CRADD: variants seen among roughly 807,000 people sequenced by gnomAD.
The protein encoded by CRADD is death domain-containing protein CRADD.
CRADD carries 9 observed loss-of-function variants against 15.5 expected under a neutral mutation model. The observed-to-expected ratio is 0.58, with a 90% CI of 0.35 to 1.01. The LOEUF is 1.01. Among genes scored for constraint, CRADD ranks in the 50% least tolerant of loss-of-function variants. The probability of loss-of-function intolerance (pLI) is 0.02; values close to 1 mark genes in which losing one functional copy is unlikely to be tolerated. For missense variants in CRADD, 227 were observed against 250.3 expected, an observed-to-expected ratio of 0.91 and a Z score of 0.63; for synonymous variants, 118 against 107.6, an observed-to-expected ratio of 1.10 and a Z score of -0.60.
At chr12:93,893,012 T>C (rs1269762426) in intron 2 of CRADD, among the ~76,000 whole-genome samples, 1 of 152,218 alleles carries the variant, frequency 6.6e-6, no homozygotes, top group African/African-American at 2.4e-5. Flanking sequence ...CGCCTGGTGC[T>C]TGACAAGGTC....
At chr12:93,807,981 C>CAAAAAAAAAAAA (rs368104878) in intron 2 of CRADD, among the ~76,000 whole-genome samples, 3 of 67,740 alleles carry the variant, frequency 4.4e-5, no homozygotes, top group Admixed American at 3.7e-4. Flanking sequence ...AAGTGTTATG[C>CAAAAAAAAAAAA]AAAAAAAAAA....
chr12:93,700,139 A>G (rs1157012081), intron 2 of CRADD, among the ~76,000 whole-genome samples: 1 of 152,192 alleles, frequency 6.6e-6, no homozygotes, highest in Non-Finnish European at 1.5e-5. Flanking sequence ...CATTAAACCC[A>G]GCATGTTGCA....
chr12:93,789,104 A>G (rs920814352), intron 2 of CRADD, among the ~76,000 whole-genome samples: 1 of 151,828 alleles, frequency 6.6e-6, no homozygotes, highest in Non-Finnish European at 1.5e-5. Flanking sequence ...CCCCTGCCCC[A>G]TCTTTCTCTT....
intron 2 of CRADD, among the ~76,000 whole-genome samples, chr12:93,875,910 T>C (rs919857116): frequency 2.0e-5 from 3 of 152,152 alleles, no homozygotes; most frequent in Admixed American, 6.5e-5. Flanking sequence ...CCAGTGAGTT[T>C]TGTACTTTCA....
chr12:93,735,323 C>T (rs527910398), intron 2 of CRADD, among the ~76,000 whole-genome samples: 30 of 152,084 alleles, frequency 2.0e-4, no homozygotes, highest in Non-Finnish European at 4.0e-4. Context: ...TAGAGTAACT[C>T]TTAAGATATG....
At chr12:93,735,046 G>T (rs1233425506) in intron 2 of CRADD, among the ~76,000 whole-genome samples, 2 of 152,142 alleles carry the variant, frequency 1.3e-5, no homozygotes, top group Non-Finnish European at 2.9e-5. Flanking sequence ...AAGGTTAGAG[G>T]GTAAGCTCCA....
intron 2 of CRADD, among the ~76,000 whole-genome samples, chr12:93,848,060 G>C (rs978023766): frequency 1.2e-4 from 18 of 152,224 alleles, no homozygotes; most frequent in African/African-American, 4.3e-4. Flanking sequence ...TGTGCATACA[G>C]AGATATCCAG....
chr12:93,888,317 C>A (rs11107236), intron 2 of CRADD, among the ~76,000 whole-genome samples: 65,835 of 150,758 alleles, frequency 0.44, 15,850 homozygotes, highest in Non-Finnish European at 0.55. Context: ...CTTAGCTACT[C>A]GGGAGGCTGA....
chr12:93,882,348 G>T (rs1442442193), intron 2 of CRADD, among the ~76,000 whole-genome samples: 1 of 147,998 alleles, frequency 6.8e-6, no homozygotes, highest in Non-Finnish European at 1.5e-5. Flanking sequence ...TTGAACCCGG[G>T]AAACGGAGGT....
chr12:93,845,541 C>G (rs1395678506), intron 2 of CRADD, among the ~76,000 whole-genome samples: 1 of 150,664 alleles, frequency 6.6e-6, no homozygotes, highest in Non-Finnish European at 1.5e-5. Context: ...CTGGGCAACA[C>G]AGCAAGACCC....
chr12:93,783,898 T>C (rs1366123495), intron 2 of CRADD, among the ~76,000 whole-genome samples: 1 of 152,180 alleles, frequency 6.6e-6, no homozygotes, highest in East Asian at 1.9e-4. Context: ...AACCTGGGTG[T>C]GCTGGTGGGC....
intron 2 of CRADD, among the ~76,000 whole-genome samples, chr12:93,755,534 T>C (rs1400232524): frequency 6.6e-6 from 1 of 152,178 alleles, no homozygotes; most frequent in Non-Finnish European, 1.5e-5. Context: ...AACCTAGGGC[T>C]CCCAACATAT....
chr12:93,821,397 G>T (rs1450701446), intron 2 of CRADD, among the ~76,000 whole-genome samples: 1 of 152,180 alleles, frequency 6.6e-6, no homozygotes, highest in African/African-American at 2.4e-5. Flanking sequence ...TGGCACATCG[G>T]TCTCTAGGTC....
intron 2 of CRADD, among the ~76,000 whole-genome samples, chr12:93,697,355 C>T (rs1445933986): frequency 6.6e-6 from 1 of 152,228 alleles, no homozygotes; most frequent in Non-Finnish European, 1.5e-5. Context: ...CAGTGTTAAC[C>T]TCTTCTGCCA....
chr12:93,803,785 T>G (rs1257483817), intron 2 of CRADD, among the ~76,000 whole-genome samples: 1 of 151,976 alleles, frequency 6.6e-6, no homozygotes, highest in South Asian at 2.1e-4. Context: ...AAAGGGGACT[T>G]TGCAGGTGTG....
intron 2 of CRADD, among the ~76,000 whole-genome samples, chr12:93,817,254 T>C (rs1957713341): frequency 6.6e-6 from 1 of 152,166 alleles, no homozygotes; most frequent in African/African-American, 2.4e-5. Context: ...TCTCCCCAAG[T>C]GGCTCTGAGG....
rs113110621 is a variant in CRADD at position 93,841,734 on chromosome 12, C to T, written c.299-8236C>T. ...CTTTGATCAATGGAGCATTAGTGGA[C>T]TTGACATGGGCAGAGGACTTAAATG... On this transcript the variant is annotated intron_variant, in intron 2 of 2. Transcript: ENST00000332896. Among the ~76,000 whole-genome samples the T allele has an allele frequency of 5.4e-3, 829 of 152,302 alleles. 8 individuals are homozygous for T. Among genetic ancestry groups the T allele is most frequent in the Middle Eastern group, 0.02 (6 of 294 alleles).
intron 2 of CRADD, among the ~76,000 whole-genome samples, chr12:93,862,894 G>A (rs1279907358): frequency 3.3e-5 from 5 of 152,202 alleles, no homozygotes. Context: ...AAAGGAGCCA[G>A]TAATAACCAA....
chr12:93,872,907 A>G (rs1459922727), intron 2 of CRADD, among the ~76,000 whole-genome samples: 1 of 152,002 alleles, frequency 6.6e-6, no homozygotes, highest in Non-Finnish European at 1.5e-5. Context: ...TTGTAGTTCT[A>G]TATAAATTTT....
Sources: gnomAD v4.1 joint callset for allele counts (sites outside exome capture counted in the v4.1 genomes callset) on GRCh38, gnomAD v4.1.1 for gene constraint, MANE v1.5 for transcripts, NCBI Gene and HGNC (gene_info 2026-07-23, HGNC 2026-07-21) for gene names.